CACNA1C: variants seen among roughly 807,000 people sequenced by gnomAD.
CACNA1C encodes the protein calcium voltage-gated channel subunit alpha1 C.
A neutral mutation model predicts 229.0 loss-of-function variants in CACNA1C; 30 were observed. The ratio of observed to expected loss-of-function variants is 0.13; its 90% CI spans 0.10 to 0.18. The LOEUF (loss-of-function observed/expected upper bound fraction) is 0.18. Among genes scored for constraint, CACNA1C ranks in the 10% least tolerant of loss-of-function variants. The probability of loss-of-function intolerance (pLI) is 1.00; values close to 1 mark genes in which losing one functional copy is unlikely to be tolerated. For synonymous variants in CACNA1C, 1,114 were observed against 1,132.5 expected, an observed-to-expected ratio of 0.98 and a Z score of 0.33; for missense variants, 1,658 against 2,845.0, an observed-to-expected ratio of 0.58 and a Z score of 9.49.
At chr12:2,612,363 A>G (rs563598498) in intron 29 of CACNA1C, 67 of 185,610 alleles carry the variant, frequency 3.6e-4, no homozygotes, top group African/African-American at 1.5e-3. Context: ...AACTATGCTC[A>G]TAGACTGGCA....
Position 2,287,362 on chromosome 12 carries a change from T to C in CACNA1C, c.478-161614T>C, listed in dbSNP as rs2092840498. 6.6e-6 allele frequency among the ~76,000 whole-genome samples: 1 copy of C among 152,194 alleles called. No homozygotes were observed. Among genetic ancestry groups the C allele is most frequent in the Non-Finnish European group, 1.5e-5 (1 of 68,028 alleles). On this transcript the variant is annotated intron_variant, in intron 3 of 46. Transcript: ENST00000399655. The surrounding 1 kb of genome is among the most constrained non-coding windows in gnomAD (Gnocchi z 4.6). ...ACGCGATCAGTGTCCCTTGAGGCAG[T>C]GCTGCACATGGTGCAGTTCCAGAGA...
At chr12:2,497,996 C>CACACACACACAT (rs1374895101) in intron 7 of CACNA1C, among the ~76,000 whole-genome samples, 1 of 151,910 alleles carries the variant, frequency 6.6e-6, no homozygotes, top group Non-Finnish European at 1.5e-5. Flanking sequence ...CACACACACA[C>CACACACACACAT]ACACACAACA....
chr12:2,110,935 A>ACACC (rs1264557007), intron 1 of CACNA1C, among the ~76,000 whole-genome samples: 159 of 151,858 alleles, frequency 1.0e-3, no homozygotes, highest in African/African-American at 3.2e-3. Flanking sequence ...CCGAGAGGCC[A>ACACC]TACCTGTCTC....
chr12:2,207,161 T>C (rs533686786), intron 3 of CACNA1C, among the ~76,000 whole-genome samples: 1 of 152,286 alleles, frequency 6.6e-6, no homozygotes, highest in South Asian at 2.1e-4. Context: ...CTACATGTGT[T>C]GGAGGATTTG....
chr12:2,230,399 C>T (rs2064629083), intron 3 of CACNA1C, among the ~76,000 whole-genome samples: 1 of 152,162 alleles, frequency 6.6e-6, no homozygotes, highest in South Asian at 2.1e-4. Context: ...GGAGGCGGGG[C>T]CGAGCCTGGA....
chr12:2,571,498 G>C (rs1223698921), intron 13 of CACNA1C, among the ~76,000 whole-genome samples: 1 of 152,086 alleles, frequency 6.6e-6, no homozygotes, highest in African/African-American at 2.4e-5. Flanking sequence ...AAATCTTGCT[G>C]CTATATATTG....
chr12:2,610,421 C>A, intron 27 of CACNA1C, 120 bp from the exon 28 acceptor site: 1 of 1,010,114 alleles, frequency 9.9e-7, no homozygotes, highest in South Asian at 1.8e-5. Flanking sequence ...ATTTCTCAGA[C>A]TTCCGGAGAA....
intron 1 of CACNA1C, among the ~76,000 whole-genome samples, chr12:2,106,635 G>A (rs2078821158): frequency 1.2e-5 from 1 of 85,928 alleles, no homozygotes. Context: ...TGAAGCCACT[G>A]GGCGCCCACC....
At chr12:2,120,468 G>A (rs752086824) in intron 3 of CACNA1C, 38 bp downstream of exon 3, 21 of 1,111,410 alleles carry the variant, frequency 1.9e-5, no homozygotes, top group Non-Finnish European at 2.6e-5. Context: ...TTTTTCACTC[G>A]ATGGAGAACT....
chr12:2,199,177 A>G (rs1473121847), intron 3 of CACNA1C, among the ~76,000 whole-genome samples: 1 of 151,734 alleles, frequency 6.6e-6, no homozygotes, highest in Admixed American at 6.6e-5. Flanking sequence ...TCACTACCCA[A>G]TTTCTTTTGG....
At chr12:1,989,312 T>C (rs2038726609) in intron 1 of CACNA1C, among the ~76,000 whole-genome samples, 1 of 152,138 alleles carries the variant, frequency 6.6e-6, no homozygotes, top group Non-Finnish European at 1.5e-5. Context: ...CACTCCAGCC[T>C]GGGTGACAGA....
chr12:2,555,508 G>A (rs2043659490), intron 10 of CACNA1C, among the ~76,000 whole-genome samples: 2 of 152,188 alleles, frequency 1.3e-5, no homozygotes, highest in South Asian at 2.1e-4. Context: ...GCATGGCCCC[G>A]CTGGAGAAGA....
At chr12:1,995,865 ACCATCT>A (rs1475211818) in intron 1 of CACNA1C, among the ~76,000 whole-genome samples, 4 of 152,030 alleles carry the variant, frequency 2.6e-5, no homozygotes, top group Non-Finnish European at 5.9e-5. Flanking sequence ...ACAACTCTAA[ACCATCT>A]CCAGCCCTGC....
chr12:2,195,744 C>T (rs1421807012), intron 3 of CACNA1C, among the ~76,000 whole-genome samples: 1 of 152,196 alleles, frequency 6.6e-6, no homozygotes, highest in African/African-American at 2.4e-5. Context: ...CGCTCTGCAC[C>T]TGGAATTCGA....
In CACNA1C at chr12:2,053,047, G is replaced by T. The variant is rs2052757281; in HGVS notation, c.-516G>T. 2.8e-5 allele frequency: 28 copies of T among 984,080 alleles called. No homozygotes were observed. The highest frequency in any genetic ancestry group is 3.1e-5 in the Non-Finnish European group (26 of 829,410). 61.0% of individuals were successfully genotyped at this position (984,080 alleles called of 1,614,324 possible). Reference sequence around the variant, plus strand: ...GCCAGAGCGGCGCTCGGCGCGGCGCGGCGGGCCCGGAGCGGCGGCGGCGGC... The same window carrying T: ...GCCAGAGCGGCGCTCGGCGCGGCGCTGCGGGCCCGGAGCGGCGGCGGCGGC... On this transcript the variant is annotated 5_prime_UTR_variant, in exon 1 of 47. Coordinates refer to ENST00000399655, the MANE Select transcript of CACNA1C (RefSeq NM_000719.7). The surrounding 1 kb of genome is among the most constrained non-coding windows in gnomAD (Gnocchi z 5.8).
Position 2,605,278 on chromosome 12 carries a change from C to A in CACNA1C, c.3048+110C>A. 2.8e-6 allele frequency: 2 copies of A among 726,864 alleles called. No homozygotes were observed. Among genetic ancestry groups the A allele is most frequent in the Non-Finnish European group, 4.9e-6 (2 of 411,992 alleles). The allele number at this position is 726,864 out of a possible 1,614,324, so 45.0% of individuals were successfully genotyped here. ...AGATGATGGTCAGACCAAGTGGCTGCCATGTGGGGTCCCGGACACTGGTCC... is the reference window on the plus strand; with the variant it reads ...AGATGATGGTCAGACCAAGTGGCTGACATGTGGGGTCCCGGACACTGGTCC... On this transcript the variant is annotated intron_variant, in intron 23 of 46. Transcript: ENST00000399655. The surrounding 1 kb of genome is among the most constrained non-coding windows in gnomAD (Gnocchi z 6.2).
At chr12:2,040,069 G>A (rs778187972) in intron 1 of CACNA1C, among the ~76,000 whole-genome samples, 2 of 152,000 alleles carry the variant, frequency 1.3e-5, no homozygotes, top group Admixed American at 1.3e-4. Flanking sequence ...TCCCATCCAG[G>A]TACTTTTCTA....
rs950415718 is a variant in CACNA1C at position 2,287,338 on chromosome 12, C to T, written c.478-161638C>T. On this transcript the variant is annotated intron_variant, in intron 3 of 46. Transcript: ENST00000399655. This position sits in a 1 kb window ranked among gnomAD's most constrained non-coding sequence, Gnocchi z 4.6. ...GTGCCTCATGGAGTGTCGCTGGATA[C>T]GCGATCAGTGTCCCTTGAGGCAGTG... Among the ~76,000 whole-genome samples the T allele has an allele frequency of 5.9e-5, 9 of 152,166 alleles. No individual in the cohort carries two copies. The highest frequency in any genetic ancestry group is 1.9e-4 in the African/African-American group (8 of 41,424).
At position 2,053,687 on chromosome 12, in the gene CACNA1C, C is replaced by G. The variant is rs2053116174; in HGVS notation, c.49+76C>G. On this transcript the variant is annotated intron_variant, in intron 1 of 46. Coordinates refer to ENST00000399655, the MANE Select transcript of CACNA1C (RefSeq NM_000719.7). The surrounding 1 kb of genome is among the most constrained non-coding windows in gnomAD (Gnocchi z 5.8). ...GTTCCTGCCCTACCCGCGCTCCCCGCGGCCCCGGGGCCGGTCCCTGCGGAG... is the reference window on the plus strand; with the variant it reads ...GTTCCTGCCCTACCCGCGCTCCCCGGGGCCCCGGGGCCGGTCCCTGCGGAG... 2 of 1,329,712 alleles carry G rather than the reference C, an allele frequency of 1.5e-6. No individual in the cohort carries two copies. Among genetic ancestry groups the G allele is most frequent in the Non-Finnish European group, 2.0e-6 (2 of 1,016,988 alleles). The allele number at this position is 1,329,712 out of a possible 1,614,324, so 82.4% of individuals were successfully genotyped here. A position where few individuals can be genotyped will look rare whatever the true frequency, so the allele number is the denominator to read the frequency against.
Sources: gnomAD v4.1 joint callset for allele counts (sites outside exome capture counted in the v4.1 genomes callset) on GRCh38, gnomAD v4.1.1 for gene constraint, Gnocchi (gnomAD v3.1) non-coding constraint, MANE v1.5 for transcripts, NCBI Gene and HGNC (gene_info 2026-07-23, HGNC 2026-07-21) for gene names.